SHTN1: variants seen among roughly 807,000 people sequenced by gnomAD.
SHTN1 encodes the protein shootin 1, also known as shootin-1.
Under a neutral mutation model 83.1 loss-of-function variants are expected in SHTN1, and 42 were observed. The ratio of observed to expected loss-of-function variants is 0.51; its 90% CI spans 0.39 to 0.65. The LOEUF (loss-of-function observed/expected upper bound fraction) is 0.65. Among genes scored for constraint, SHTN1 ranks in the 30% least tolerant of loss-of-function variants. SHTN1 has a pLI of 0.00. For synonymous variants in SHTN1, 224 were observed against 247.7 expected, an observed-to-expected ratio of 0.90 and a Z score of 0.90; for missense variants, 622 against 737.8, an observed-to-expected ratio of 0.84 and a Z score of 1.82.
At chr10:116,970,244 T>C (rs557455537) in intron 2 of SHTN1, among the ~76,000 whole-genome samples, 1 of 152,318 alleles carries the variant, frequency 6.6e-6, no homozygotes, top group African/African-American at 2.4e-5. Context: ...GAATACATAC[T>C]TCCCTATGAC....
At chr10:117,043,880 TAAAC>T (rs1233951980) in intron 2 of SHTN1, among the ~76,000 whole-genome samples, 2 of 151,676 alleles carry the variant, frequency 1.3e-5, no homozygotes, top group African/African-American at 4.8e-5. Flanking sequence ...AATAAATAAA[TAAAC>T]AAGGGGCTTT....
chr10:117,126,320 A>G (rs1177675537), exon 1 of SHTN1: 2 of 162,774 alleles, frequency 1.2e-5, no homozygotes, highest in Non-Finnish European at 2.7e-5. Flanking sequence ...TTTCCTGGTG[A>G]GGCCCCGGCC....
At chr10:117,100,986 G>A (rs1453280903) in intron 1 of SHTN1, among the ~76,000 whole-genome samples, 2 of 152,284 alleles carry the variant, frequency 1.3e-5, no homozygotes, top group Non-Finnish European at 2.9e-5. Context: ...AACCTTATAC[G>A]CCTTGGTAAA....
intron 1 of SHTN1, among the ~76,000 whole-genome samples, chr10:116,989,077 AAC>A (rs1171796048): frequency 6.6e-6 from 1 of 152,204 alleles, no homozygotes; most frequent in Non-Finnish European, 1.5e-5. Flanking sequence ...GTTAAAAAAA[AAC>A]AGTATTTTTA....
intron 1 of SHTN1, among the ~76,000 whole-genome samples, chr10:117,084,422 G>A (rs1853316549): frequency 6.6e-6 from 1 of 152,216 alleles, no homozygotes; most frequent in South Asian, 2.1e-4. Context: ...CGTACTGGGA[G>A]AACCACTGCT....
At chr10:116,922,004 G>A (rs946134007) in intron 11 of SHTN1, among the ~76,000 whole-genome samples, 3 of 151,938 alleles carry the variant, frequency 2.0e-5, no homozygotes, top group African/African-American at 7.3e-5. Flanking sequence ...TCTCTCTCTG[G>A]TCCATTTAAA....
At chr10:116,925,208 A>T (rs895959867) in intron 11 of SHTN1, among the ~76,000 whole-genome samples, 1 of 152,192 alleles carries the variant, frequency 6.6e-6, no homozygotes, top group African/African-American at 2.4e-5. Flanking sequence ...TTAACATTTC[A>T]ATCAGTAGAC....
chr10:117,086,565 T>C (rs1202629896), intron 1 of SHTN1, among the ~76,000 whole-genome samples: 1 of 152,212 alleles, frequency 6.6e-6, no homozygotes, highest in Non-Finnish European at 1.5e-5. Context: ...AATTTTAGTG[T>C]TTTATATAGT....
At chr10:116,896,906 A>C (rs1847542470) in intron 16 of SHTN1, among the ~76,000 whole-genome samples, 1 of 151,134 alleles carries the variant, frequency 6.6e-6, no homozygotes, top group Non-Finnish European at 1.5e-5. Context: ...TCCTGGGTTC[A>C]AGCAATTCTC....
At chr10:116,983,819 A>G (rs1209141201) in intron 1 of SHTN1, among the ~76,000 whole-genome samples, 1 of 152,288 alleles carries the variant, frequency 6.6e-6, no homozygotes, top group African/African-American at 2.4e-5. Flanking sequence ...GGGCTGTAAC[A>G]TAACAATATA....
chr10:117,042,836 G>A (rs865904080), intron 2 of SHTN1, among the ~76,000 whole-genome samples: 5 of 151,866 alleles, frequency 3.3e-5, no homozygotes, highest in Non-Finnish European at 7.4e-5. Flanking sequence ...GGCTGGTCAC[G>A]AACTCCTGAC....
chr10:117,018,086 G>A (rs1229970927), intron 2 of SHTN1, among the ~76,000 whole-genome samples: 1 of 152,164 alleles, frequency 6.6e-6, no homozygotes, highest in African/African-American at 2.4e-5. Context: ...AATTGATGTA[G>A]TATTCTGGAC....
chr10:117,029,463 AG>A (rs1852375770), intron 2 of SHTN1, among the ~76,000 whole-genome samples: 1 of 152,098 alleles, frequency 6.6e-6, no homozygotes, highest in Non-Finnish European at 1.5e-5. Flanking sequence ...AGATTTGGGA[AG>A]GTCTGGGGCA....
At chr10:116,991,360 T>C (rs1851429495) in intron 1 of SHTN1, among the ~76,000 whole-genome samples, 1 of 152,134 alleles carries the variant, frequency 6.6e-6, no homozygotes, top group Admixed American at 6.6e-5. Context: ...TGTAAAGAAG[T>C]TTATTTGGCT....
intron 16 of SHTN1, among the ~76,000 whole-genome samples, chr10:116,894,787 T>C (rs762475757): frequency 1.3e-5 from 2 of 152,210 alleles, no homozygotes; most frequent in African/African-American, 2.4e-5. Flanking sequence ...AGTGTGAATA[T>C]GGATGAAAAA....
At chr10:117,005,325 G>C, upstream of SHTN1, 16 of 1,336,792 alleles carry the variant, frequency 1.2e-5, no homozygotes, top group Non-Finnish European at 1.5e-5. Context: ...CGTTCAGGGG[G>C]TGGAGGAACG....
chr10:116,937,396 G>A (rs1849213130), intron 9 of SHTN1, among the ~76,000 whole-genome samples: 1 of 152,120 alleles, frequency 6.6e-6, no homozygotes, highest in Non-Finnish European at 1.5e-5. Flanking sequence ...GTCTGTAAAG[G>A]ATTTTATTTC....
chr10:117,052,587 C>A (rs941354302), intron 1 of SHTN1, among the ~76,000 whole-genome samples: 1 of 151,910 alleles, frequency 6.6e-6, no homozygotes, highest in African/African-American at 2.4e-5. Flanking sequence ...ATATATAGAT[C>A]GATGGAATAG....
chr10:117,040,560 A>C (rs1327543419), intron 2 of SHTN1, among the ~76,000 whole-genome samples: 1 of 152,242 alleles, frequency 6.6e-6, no homozygotes, highest in Non-Finnish European at 1.5e-5. Flanking sequence ...GTACCATACT[A>C]ATGTAAGATG....
Sources: gnomAD v4.1 joint callset for allele counts (sites outside exome capture counted in the v4.1 genomes callset) on GRCh38, gnomAD v4.1.1 for gene constraint, MANE v1.5 for transcripts, NCBI Gene and HGNC (gene_info 2026-07-23, HGNC 2026-07-21) for gene names.